The following STAB2 variants were observed in gnomAD, a reference collection of about 807,000 sequenced individuals.
STAB2 encodes stabilin-2.
In STAB2, 288 loss-of-function variants were observed where a neutral mutation model predicts 338.1. That is an observed-to-expected ratio of 0.85 (90% CI 0.77 to 0.94). STAB2 has a LOEUF of 0.94. Among genes scored for constraint, STAB2 ranks in the 40% least tolerant of loss-of-function variants. The pLI, the probability that STAB2 is intolerant of heterozygous loss-of-function variation, is 0.00. For missense variants in STAB2, 3,141 were observed against 3,210.1 expected (o/e 0.98, Z 0.52); for synonymous variants, 1,202 against 1,193.3 (o/e 1.01, Z -0.15).
Position 103,706,879 on chromosome 12 carries a change from T to C in STAB2, c.4084T>C (p.Cys1362Arg), listed in dbSNP as rs749648770. ...GAATGTCTGCTTTGGTAATGGCATC[T>C]GTTTGGATGGAGTGAATGGCACAGG... ...AQNVCFGNGI[C>R]LDGVNGTGVC... Residue 1362 changes from cysteine to arginine, a missense_variant, in exon 38 of 69, where the codon TGT (cysteine) becomes CGT (arginine). By Grantham distance (180) the Cys-to-Arg change is radical (BLOSUM62 -3). Transcript: ENST00000388887. 1 of 1,614,250 alleles carries C rather than the reference T, an allele frequency of 6.2e-7. No homozygotes were observed. Among genetic ancestry groups the C allele is most frequent in the Non-Finnish European group, 8.5e-7 (1 of 1,180,040 alleles).
intron 47 of STAB2, 142 bp downstream of exon 47, chr12:103,727,492 C>T (rs1339550399): frequency 3.2e-6 from 3 of 926,006 alleles, no homozygotes; most frequent in Non-Finnish European, 5.1e-6. Context: ...GAAGGGGCTG[C>T]CTCTTGGCAC....
At chr12:103,642,342 A>G (rs1254318643) in intron 9 of STAB2, among the ~76,000 whole-genome samples, 1 of 152,244 alleles carries the variant, frequency 6.6e-6, no homozygotes, top group Non-Finnish European at 1.5e-5. Flanking sequence ...AAAAATAGCC[A>G]GGACACGGCT....
chr12:103,657,815 A>G (rs1172604602), intron 15 of STAB2: 2 of 152,238 alleles, frequency 1.3e-5, no homozygotes, highest in African/African-American at 2.4e-5. Context: ...CTCAACCTAT[A>G]GGAAGCTCCT....
chr12:103,757,216 G>A (rs1002704604), intron 63 of STAB2, among the ~76,000 whole-genome samples: 2 of 151,540 alleles, frequency 1.3e-5, no homozygotes, highest in African/African-American at 4.9e-5. Context: ...AGCCTCCAGA[G>A]CAGCTGGGAC....
chr12:103,757,548 G>C (rs1036321176), intron 63 of STAB2, among the ~76,000 whole-genome samples: 1 of 152,254 alleles, frequency 6.6e-6, no homozygotes, highest in Non-Finnish European at 1.5e-5. Flanking sequence ...GGCACCCCAG[G>C]GTCCCCCTTC....
At chr12:103,619,153 G>C (rs1438158399) in intron 3 of STAB2, among the ~76,000 whole-genome samples, 1 of 152,152 alleles carries the variant, frequency 6.6e-6, no homozygotes, top group African/African-American at 2.4e-5. Flanking sequence ...CATGAGAATG[G>C]ACTAATACAA....
chr12:103,696,008 C>G (rs935715960), intron 33 of STAB2, among the ~76,000 whole-genome samples, 164 bp downstream of exon 33: 1 of 152,174 alleles, frequency 6.6e-6, no homozygotes, highest in African/African-American at 2.4e-5. Flanking sequence ...AACATCCCCT[C>G]GGTCAGAGCT....
At chr12:103,594,289 C>A in intron 2 of STAB2, 106 bp from the exon 3 acceptor site, 1 of 773,044 alleles carries the variant, frequency 1.3e-6, no homozygotes, top group Non-Finnish European at 2.2e-6. Flanking sequence ...ATATTTTTAA[C>A]TGTAGATAAA....
Position 103,693,617 on chromosome 12 carries a change from G to T in STAB2, c.3375+728G>T, listed in dbSNP as rs557135527. On this transcript the variant is annotated intron_variant, in intron 31 of 68. Coordinates refer to ENST00000388887, the MANE Select transcript of STAB2 (RefSeq NM_017564.10). ...GGTAGGGAAGGCCCTAAGGAAAAAAGTGGAAAAGAATATAAAAAGCATGGT... is the reference window on the plus strand; with the variant it reads ...GGTAGGGAAGGCCCTAAGGAAAAAATTGGAAAAGAATATAAAAAGCATGGT... Among the ~76,000 whole-genome samples, 109 of 152,198 alleles carry T rather than the reference G, an allele frequency of 7.2e-4. 1 individual carries two copies. The highest frequency in any genetic ancestry group is 2.6e-3 in the African/African-American group (109 of 41,522).
chr12:103,739,527 CTGTGTGTGTGTG>C (rs35471201), intron 54 of STAB2, 59 bp downstream of exon 54: 22,587 of 673,026 alleles, frequency 0.034, 200 homozygotes, highest in Non-Finnish European at 0.035. Flanking sequence ...ATTATCAGAC[CTGTGTGTGTGTG>C]TGTGTGTGTG....
chr12:103,592,884 T>C (rs557701243), intron 2 of STAB2, among the ~76,000 whole-genome samples: 1 of 152,270 alleles, frequency 6.6e-6, no homozygotes. Flanking sequence ...TTCCACTCTA[T>C]TTATATTCCT....
At chr12:103,744,639 GTT>G (rs1336354704) in intron 56 of STAB2, among the ~76,000 whole-genome samples, 4 of 150,552 alleles carry the variant, frequency 2.7e-5, no homozygotes, top group Admixed American at 2.0e-4. Flanking sequence ...GCTAATTTTT[GTT>G]TGTTGTTGTT....
chr12:103,605,130 C>A (rs1404554425), intron 3 of STAB2, among the ~76,000 whole-genome samples: 1 of 151,722 alleles, frequency 6.6e-6, no homozygotes, highest in Non-Finnish European at 1.5e-5. Context: ...TATTTTACTT[C>A]CAAATAGAAT....
chr12:103,647,684 G>A (rs544211929), intron 9 of STAB2, among the ~76,000 whole-genome samples: 1 of 152,286 alleles, frequency 6.6e-6, no homozygotes, highest in African/African-American at 2.4e-5. Context: ...TTTGAAATTG[G>A]TCAAGATTGG....
chr12:103,628,402 A>C (rs1203793294), intron 5 of STAB2, among the ~76,000 whole-genome samples: 2 of 152,236 alleles, frequency 1.3e-5, no homozygotes, highest in Non-Finnish European at 2.9e-5. Flanking sequence ...AGGCATCAAA[A>C]AAACTCAGTA....
At chr12:103,660,813 C>T (rs370742566) in intron 17 of STAB2, 50 bp downstream of exon 17, 189 of 1,565,082 alleles carry the variant, frequency 1.2e-4, no homozygotes, top group Admixed American at 2.5e-4. Flanking sequence ...CATCTTTGCT[C>T]GATAATGATT....
chr12:103,690,566 C>A, intron 30 of STAB2, 28 bp downstream of exon 30: 1 of 1,580,252 alleles, frequency 6.3e-7, no homozygotes, highest in Non-Finnish European at 8.7e-7. Flanking sequence ...TGTCTGTTTA[C>A]TTGAAACATA....
At position 103,758,210 on chromosome 12, in the gene STAB2, C is replaced by G. The variant is rs1279706264; in HGVS notation, c.7028C>G (p.Ala2343Gly). 1 of 1,614,036 alleles carries G rather than the reference C, an allele frequency of 6.2e-7. No homozygotes were observed. Among genetic ancestry groups the G allele is most frequent in the African/African-American group, 1.3e-5 (1 of 74,916 alleles). The change falls in exon 64 of 69, where the codon GCA becomes GGA. Residue 2343 changes from alanine to glycine, a missense_variant. Coordinates refer to ENST00000388887, the MANE Select transcript of STAB2 (RefSeq NM_017564.10). The part of the protein sequence containing the change: ...AYSNSSARGR[A>G]FLEHLTDLSI... The stretch of plus-strand genomic sequence containing the variant: ...TCCAACAGCTCAGCTCGAGGCCGTG[C>G]ATTTCTAGAACACCTGACTGACCTG...
At chr12:103,707,714 C>T (rs193101066) in intron 38 of STAB2, among the ~76,000 whole-genome samples, 2 of 152,316 alleles carry the variant, frequency 1.3e-5, no homozygotes, top group Admixed American at 1.3e-4. Context: ...ATTATTCTAC[C>T]TAGTACTAAA....
Sources: gnomAD v4.1 joint callset for allele counts (sites outside exome capture counted in the v4.1 genomes callset) on GRCh38, gnomAD v4.1.1 for gene constraint, MANE v1.5 for transcripts, NCBI Gene and HGNC (gene_info 2026-07-23, HGNC 2026-07-21) for gene names.